The following AGPS variants were observed in gnomAD, a reference collection of about 807,000 sequenced individuals.
The protein encoded by AGPS is alkyldihydroxyacetonephosphate synthase, peroxisomal.
Under a neutral mutation model 90.7 loss-of-function variants are expected in AGPS, and 26 were observed. The ratio of observed to expected loss-of-function variants is 0.29; its 90% confidence interval spans 0.21 to 0.40. The LOEUF is 0.40. Ranked by LOEUF, AGPS falls within the 10% of genes least tolerant of loss-of-function variation. The probability of loss-of-function intolerance (pLI) is 1.00; values close to 1 mark genes in which losing one functional copy is unlikely to be tolerated. For synonymous variants in AGPS, 294 were observed against 285.3 expected, an observed-to-expected ratio of 1.03 and a Z score of -0.31; for missense variants, 540 against 816.1, an observed-to-expected ratio of 0.66 and a Z score of 4.12.
intron 1 of AGPS, among the ~76,000 whole-genome samples, chr2:177,401,945 A>G (rs1685344906): frequency 6.6e-6 from 1 of 152,160 alleles, no homozygotes; most frequent in South Asian, 2.1e-4. Flanking sequence ...AATCTTTCAC[A>G]TTCATTTTGT....
At chr2:177,394,854 G>C (rs935740217) in intron 1 of AGPS, among the ~76,000 whole-genome samples, 2 of 152,202 alleles carry the variant, frequency 1.3e-5, no homozygotes, top group African/African-American at 2.4e-5. Context: ...AATGGTAGCT[G>C]CAATTTTCAC....
chr2:177,394,120 T>G (rs1685102343), intron 1 of AGPS, among the ~76,000 whole-genome samples: 1 of 152,250 alleles, frequency 6.6e-6, no homozygotes. Context: ...AAGCTATACT[T>G]GCTTCTGATG....
Position 177,522,269 on chromosome 2 carries a change from C to T in AGPS, c.1797+901C>T, listed in dbSNP as rs1243072699. ...TGCTTCAGTGTTGCCCTCTGGCTAC[C>T]CAAATGTCCCTTCTGTACAGTACCA... On this transcript the variant is annotated intron_variant, in intron 18 of 19. Transcript: ENST00000264167. Among the ~76,000 whole-genome samples, 5 of 152,086 alleles carry T rather than the reference C, an allele frequency of 3.3e-5. No homozygotes were observed. The East Asian group carries it at 7.7e-4, about 23-fold the overall frequency.
At chr2:177,488,437 C>T (rs189861079) in intron 11 of AGPS, among the ~76,000 whole-genome samples, 14 of 152,108 alleles carry the variant, frequency 9.2e-5, no homozygotes, top group East Asian at 7.7e-4. Flanking sequence ...AGGATTGTCT[C>T]GATTTCCTGA....
chr2:177,403,817 C>G (rs1685393183), intron 1 of AGPS, among the ~76,000 whole-genome samples: 1 of 152,106 alleles, frequency 6.6e-6, no homozygotes, highest in African/African-American at 2.4e-5. Flanking sequence ...TTTTCAGTGA[C>G]TCAGGAAGTA....
chr2:177,402,068 TG>T (rs1417721871), intron 1 of AGPS, among the ~76,000 whole-genome samples: 3 of 152,034 alleles, frequency 2.0e-5, no homozygotes, highest in African/African-American at 7.2e-5. Context: ...GTGGGTGAAA[TG>T]GAAAATTAAA....
At chr2:177,477,245 TTAAG>T (rs1687808260) in intron 10 of AGPS, among the ~76,000 whole-genome samples, 1 of 152,148 alleles carries the variant, frequency 6.6e-6, no homozygotes, top group South Asian at 2.1e-4. Context: ...TTCTTTTGCC[TTAAG>T]TGAGTATTTT....
chr2:177,401,311 T>A (rs1211972573), intron 1 of AGPS, among the ~76,000 whole-genome samples: 1 of 152,198 alleles, frequency 6.6e-6, no homozygotes, highest in Non-Finnish European at 1.5e-5. Flanking sequence ...AATCCCTATC[T>A]TGAACTTCTT....
intron 13 of AGPS, among the ~76,000 whole-genome samples, chr2:177,499,098 A>G (rs1688486592): frequency 1.3e-5 from 2 of 151,792 alleles, no homozygotes; most frequent in Non-Finnish European, 3.0e-5. Context: ...CGTCTTACTC[A>G]TCTTTTTTTG....
chr2:177,452,172 G>A (rs1272388108), intron 8 of AGPS, among the ~76,000 whole-genome samples: 1 of 152,138 alleles, frequency 6.6e-6, no homozygotes, highest in Middle Eastern at 3.2e-3. Context: ...GTTTGGTGAA[G>A]TAGTCTTTAA....
intron 5 of AGPS, 71 bp downstream of exon 5, chr2:177,437,125 C>T (rs1280589384): frequency 1.1e-5 from 16 of 1,422,552 alleles, no homozygotes; most frequent in Non-Finnish European, 1.2e-5. Context: ...ATTGGAAATA[C>T]GTACTTTTTG....
At chr2:177,415,570 G>T (rs1185982419) in intron 1 of AGPS, among the ~76,000 whole-genome samples, 1 of 152,178 alleles carries the variant, frequency 6.6e-6, no homozygotes, top group Non-Finnish European at 1.5e-5. Flanking sequence ...TTACAATGGG[G>T]ATATTGAGGG....
intron 19 of AGPS, among the ~76,000 whole-genome samples, chr2:177,530,201 A>T (rs755913669): frequency 3.9e-5 from 6 of 152,240 alleles, no homozygotes; most frequent in Non-Finnish European, 8.8e-5. Flanking sequence ...CTCACCCTAT[A>T]GGAAAGTTTC....
intron 5 of AGPS, among the ~76,000 whole-genome samples, chr2:177,440,141 C>G (rs547315869): frequency 2.0e-5 from 3 of 152,234 alleles, no homozygotes; most frequent in Admixed American, 2.0e-4. Flanking sequence ...TACTGTGTCA[C>G]TAGGTTTTCC....
chr2:177,433,538 C>G (rs776318633), intron 2 of AGPS, among the ~76,000 whole-genome samples: 2 of 152,140 alleles, frequency 1.3e-5, no homozygotes, highest in Non-Finnish European at 2.9e-5. Context: ...GGTCAGTCAT[C>G]ATTAATTGTC....
chr2:177,413,531 G>A (rs903651907), intron 1 of AGPS, among the ~76,000 whole-genome samples: 1 of 152,184 alleles, frequency 6.6e-6, no homozygotes, highest in Non-Finnish European at 1.5e-5. Context: ...ACAGTCTGGG[G>A]TTGGTTGCCA....
At chr2:177,452,599 T>C (rs1200837647) in intron 8 of AGPS, among the ~76,000 whole-genome samples, 1 of 152,198 alleles carries the variant, frequency 6.6e-6, no homozygotes, top group East Asian at 1.9e-4. Context: ...CAGCATATAA[T>C]TGGTTCTTTT....
intron 19 of AGPS, among the ~76,000 whole-genome samples, chr2:177,532,474 A>G (rs1428622489): frequency 2.0e-5 from 3 of 152,220 alleles, no homozygotes; most frequent in Admixed American, 1.3e-4. Context: ...AATTCTGCCA[A>G]TGATGCAGAG....
intron 10 of AGPS, among the ~76,000 whole-genome samples, chr2:177,478,330 T>C (rs1449970448): frequency 6.6e-6 from 1 of 152,200 alleles, no homozygotes; most frequent in Non-Finnish European, 1.5e-5. Context: ...TGTTTGTGGA[T>C]ATCTTTGTGT....
Sources: gnomAD v4.1 joint callset for allele counts (sites outside exome capture counted in the v4.1 genomes callset) on GRCh38, gnomAD v4.1.1 for gene constraint, MANE v1.5 for transcripts, NCBI Gene and HGNC (gene_info 2026-07-23, HGNC 2026-07-21) for gene names.